SLC16A7: variants seen among roughly 807,000 people sequenced by gnomAD.
SLC16A7 encodes monocarboxylate transporter 2.
In SLC16A7, 33 loss-of-function variants were observed where a neutral mutation model predicts 34.9. The ratio of observed to expected loss-of-function variants is 0.94; its 90% CI spans 0.72 to 1.26. SLC16A7 has a LOEUF of 1.26. Ranked by LOEUF, SLC16A7 falls within the 50% of genes most tolerant of loss-of-function variation. SLC16A7 has a pLI of 0.00. For synonymous variants in SLC16A7, 201 were observed against 206.6 expected (o/e 0.97, Z 0.23); for missense variants, 573 against 578.1 (o/e 0.99, Z 0.09).
At position 59,662,766 on chromosome 12, in the gene SLC16A7, G is replaced by T. The variant is rs113540583; in HGVS notation, c.-31+7516G>T. 1.2e-3 allele frequency among the ~76,000 whole-genome samples: 178 copies of T among 152,208 alleles called. 5 individuals carry two copies. The highest frequency in any genetic ancestry group is 4.1e-3 in the African/African-American group (169 of 41,552). On this transcript the variant is annotated intron_variant, in intron 2 of 5. Coordinates refer to ENST00000547379, the MANE Select transcript of SLC16A7 (RefSeq NM_001270623.2). The stretch of plus-strand genomic sequence containing the variant: ...TACTGTGATTACAAAGGTGACTAAA[G>T]TTAATGTTAAAGTCAGTTCATTCTA...
chr12:59,734,814 CA>C (rs1216893822), intron 3 of SLC16A7, among the ~76,000 whole-genome samples: 4 of 152,158 alleles, frequency 2.6e-5, no homozygotes, highest in Middle Eastern at 3.4e-3. Flanking sequence ...ATGTTAAATT[CA>C]AAAAAATATA....
At position 59,788,325 on chromosome 12, in the gene SLC16A7, T is replaced by C. The variant is rs957195882; in HGVS notation, c.*8646T>C. Reference sequence around the variant, plus strand: ...AATGTTTAGAATTATTTTTAAAATATAAATTATATTTTAGGCTGTATTTTT... The same window carrying C: ...AATGTTTAGAATTATTTTTAAAATACAAATTATATTTTAGGCTGTATTTTT... On this transcript the variant is annotated 3_prime_UTR_variant, in exon 6 of 6. Coordinates refer to ENST00000547379, the MANE Select transcript of SLC16A7 (RefSeq NM_001270623.2). 1 of 152,086 alleles carries C rather than the reference T, an allele frequency of 6.6e-6. No individual in the cohort carries two copies. Among genetic ancestry groups the C allele is most frequent in the African/African-American group, 2.4e-5 (1 of 41,464 alleles). 9.4% of individuals were successfully genotyped at this position (152,086 alleles called of 1,614,324 possible).
Position 59,725,814 on chromosome 12 carries a change from T to A in SLC16A7, c.217+20796T>A, listed in dbSNP as rs375839939. Among the ~76,000 whole-genome samples, 63 of 152,284 alleles carry A rather than the reference T, an allele frequency of 4.1e-4. No individual in the cohort carries two copies. In the South Asian group the frequency reaches 0.012, roughly 30 times the overall value. ...TAATCACCGCTCATAAATTAGTTCC[T>A]TAGGCTTCAGACATTTCACTTGTCT... On this transcript the variant is annotated intron_variant, in intron 3 of 5. Coordinates refer to ENST00000547379, the MANE Select transcript of SLC16A7 (RefSeq NM_001270623.2).
rs1869835015 is a variant in SLC16A7, at chr12:59,671,990, TATGTGTATATATCCATATATCC to T, written c.-31+16741_-31+16762del. On this transcript the variant is annotated intron_variant, in intron 2 of 5. Coordinates refer to ENST00000547379, the MANE Select transcript of SLC16A7 (RefSeq NM_001270623.2). ...GTATATATCCATATATCCGTATATA[TATGTGTATATATCCATATATCC>T]GTATATATGTGTATATATCGCATAT... Among the ~76,000 whole-genome samples the T allele has an allele frequency of 9.9e-5, 2 of 20,158 alleles. 1 individual carries two copies. Among genetic ancestry groups the T allele is most frequent in the South Asian group, 3.7e-3 (2 of 536 alleles). The allele number at this position is 20,158 out of a possible 152,430, so 13.2% of individuals were successfully genotyped here. A position where few individuals can be genotyped will look rare whatever the true frequency, so the allele number is the denominator to read the frequency against.
chr12:59,775,300 G>A lies in SLC16A7; in HGVS notation c.1005G>A (p.Gln335=). 1 of 1,614,090 alleles carries A rather than the reference G, an allele frequency of 6.2e-7. No individual in the cohort carries two copies. Among genetic ancestry groups the A allele is most frequent in the African/African-American group, 1.3e-5 (1 of 75,050 alleles). The change falls in exon 5 of 6, where the codon CAG becomes CAA. Residue 335 remains glutamine (Q), a synonymous_variant. Transcript: ENST00000547379. ...GVCHLLCPLA[Q]DYTSLVLYAV... Reference sequence around the variant, plus strand: ...GTCACCTCTTGTGCCCACTGGCACAGGACTACACAAGCCTGGTATTATATG... The same window carrying A: ...GTCACCTCTTGTGCCCACTGGCACAAGACTACACAAGCCTGGTATTATATG...
chr12:59,728,903 T>A (rs1285077065), intron 3 of SLC16A7, among the ~76,000 whole-genome samples: 1 of 152,240 alleles, frequency 6.6e-6, no homozygotes, highest in South Asian at 2.1e-4. Context: ...TCTGAAAGTT[T>A]ATTAACTTCT....
chr12:59,603,263 C>G (rs1350605436), intron 1 of SLC16A7, among the ~76,000 whole-genome samples: 1 of 152,188 alleles, frequency 6.6e-6, no homozygotes, highest in East Asian at 1.9e-4. Context: ...CAGATACTCT[C>G]ATGGAAGCAC....
At chr12:59,715,557 T>C (rs1000701492) in intron 3 of SLC16A7, among the ~76,000 whole-genome samples, 1 of 152,144 alleles carries the variant, frequency 6.6e-6, no homozygotes, top group African/African-American at 2.4e-5. Flanking sequence ...GACAGTTGTT[T>C]ACACTCTGGG....
chr12:59,612,941 C>T (rs1642374739), intron 1 of SLC16A7, among the ~76,000 whole-genome samples: 1 of 152,204 alleles, frequency 6.6e-6, no homozygotes, highest in Admixed American at 6.5e-5. Context: ...TTCTTCTGAG[C>T]CCTCCAAACT....
At chr12:59,625,745 G>A (rs773937451) in intron 1 of SLC16A7, among the ~76,000 whole-genome samples, 12 of 151,790 alleles carry the variant, frequency 7.9e-5, no homozygotes, top group Non-Finnish European at 1.6e-4. Context: ...GGTAAGGATC[G>A]TGTGGTATAA....
chr12:59,710,277 A>G (rs190638436), intron 3 of SLC16A7, among the ~76,000 whole-genome samples: 3 of 152,302 alleles, frequency 2.0e-5, no homozygotes, highest in African/African-American at 7.2e-5. Flanking sequence ...GAGCATGTTC[A>G]TTTTTCTCAA....
intron 1 of SLC16A7, among the ~76,000 whole-genome samples, chr12:59,602,029 A>C (rs773984024): frequency 2.0e-5 from 3 of 152,208 alleles, no homozygotes; most frequent in Non-Finnish European, 2.9e-5. Context: ...GCCTCTCTAC[A>C]TTTTAATATA....
chr12:59,753,269 T>G (rs1319905451), intron 3 of SLC16A7, among the ~76,000 whole-genome samples: 2 of 152,202 alleles, frequency 1.3e-5, no homozygotes, highest in South Asian at 2.1e-4. Flanking sequence ...TAACTTTAAA[T>G]GTAAATGGAC....
At chr12:59,681,538 T>C (rs1428018797) in intron 2 of SLC16A7, among the ~76,000 whole-genome samples, 1 of 152,146 alleles carries the variant, frequency 6.6e-6, no homozygotes, top group African/African-American at 2.4e-5. Context: ...ATTGTTAGTA[T>C]TTTTTCCTAA....
rs1274183547 is a variant in SLC16A7, at chr12:59,779,915, T to C, written c.*236T>C. On this transcript the variant is annotated 3_prime_UTR_variant, in exon 6 of 6. Transcript: ENST00000547379. ...AATCCATGCTATAGGTTTATTTCCA[T>C]ACCTGACTCTGGGTGTGGTGGTTAA... 1 of 378,812 alleles carries C rather than the reference T, an allele frequency of 2.6e-6. No individual in the cohort carries two copies. The highest frequency in any genetic ancestry group is 4.8e-6 in the Non-Finnish European group (1 of 209,380). 23.5% of individuals were successfully genotyped at this position (378,812 alleles called of 1,614,324 possible).
Position 59,606,926 on chromosome 12 carries a change from G to A in SLC16A7, c.-130+10690G>A, listed in dbSNP as rs935680364. On this transcript the variant is annotated intron_variant, in intron 1 of 5. Coordinates refer to ENST00000547379, the MANE Select transcript of SLC16A7 (RefSeq NM_001270623.2). ...AAAGGCACAACCCAGAGTAGGATTA[G>A]TGTCAAAATTAATGATAGAGAACAT... is the stretch of plus-strand genomic sequence containing the variant. Among the ~76,000 whole-genome samples, 4 of 152,128 alleles carry A rather than the reference G, an allele frequency of 2.6e-5. No homozygotes were observed. The South Asian group carries it at 8.3e-4, about 31-fold the overall frequency.
chr12:59,753,638 C>T (rs1879893625), intron 3 of SLC16A7, among the ~76,000 whole-genome samples: 1 of 151,940 alleles, frequency 6.6e-6, no homozygotes, highest in African/African-American at 2.4e-5. Flanking sequence ...GAGACTTAGA[C>T]TCCCACACAT....
rs771046443 is a variant in SLC16A7, at chr12:59,775,334, T to G, written c.1039T>G (p.Phe347Val). Residue 347 changes from phenylalanine to valine, a missense_variant, in exon 5 of 6, where the codon TTT becomes GTT. By Grantham distance (50) the Phe-to-Val change is conservative (BLOSUM62 -1). Transcript: ENST00000547379. ...AAGCCTGGTATTATATGCTGTATTT[T>G]TTGGCCTTGGATTTGGGAGTGTTAG... ...YTSLVLYAVF[F>V]GLGFGSVSSV... The G allele has an allele frequency of 1.2e-6, 2 of 1,614,162 alleles. No individual in the cohort carries two copies. The highest frequency in any genetic ancestry group is 1.7e-6 in the Non-Finnish European group (2 of 1,180,004).
intron 2 of SLC16A7, among the ~76,000 whole-genome samples, chr12:59,682,024 C>G (rs922781444): frequency 6.6e-6 from 1 of 152,092 alleles, no homozygotes; most frequent in Admixed American, 6.5e-5. Context: ...CTGGGTTAAA[C>G]TCACCCTAGA....
Sources: gnomAD v4.1 joint callset for allele counts (sites outside exome capture counted in the v4.1 genomes callset) on GRCh38, gnomAD v4.1.1 for gene constraint, MANE v1.5 for transcripts, NCBI Gene and HGNC (gene_info 2026-07-23, HGNC 2026-07-21) for gene names.